TBC1D5: variants seen among roughly 807,000 people sequenced by gnomAD.
The protein encoded by TBC1D5 is TBC1 domain family, member 5.
In TBC1D5, 75 loss-of-function variants were observed where a neutral mutation model predicts 100.3. The ratio of observed to expected loss-of-function variants is 0.75; its 90% CI spans 0.62 to 0.91. The LOEUF (loss-of-function observed/expected upper bound fraction) is 0.91, where lower values mean the gene tolerates loss of function less well. Among genes scored for constraint, TBC1D5 ranks in the 40% least tolerant of loss-of-function variants. The pLI, the probability that TBC1D5 is intolerant of heterozygous loss-of-function variation, is 0.00. For missense variants in TBC1D5, 910 were observed against 942.4 expected (o/e 0.97, Z 0.45); for synonymous variants, 323 against 325.6 (o/e 0.99, Z 0.09).
chr3:17,700,842 G>A (rs1161156084), intron 1 of TBC1D5, among the ~76,000 whole-genome samples: 5 of 152,288 alleles, frequency 3.3e-5, no homozygotes, highest in African/African-American at 1.2e-4. Flanking sequence ...AGGTGCTGGA[G>A]AGGATGTGGA....
At chr3:17,476,548 G>GT (rs34030779) in intron 3 of TBC1D5, among the ~76,000 whole-genome samples, 10,463 of 151,312 alleles carry the variant, frequency 0.069, 710 homozygotes, top group African/African-American at 0.18. Flanking sequence ...AAATGTGCAT[G>GT]TTTTTTTTCA....
intron 1 of TBC1D5, among the ~76,000 whole-genome samples, chr3:17,708,902 C>T (rs956566317): frequency 1.3e-5 from 2 of 152,044 alleles, no homozygotes; most frequent in African/African-American, 4.8e-5. Flanking sequence ...AAAGGGAGAC[C>T]GTCACTGGAA....
intron 4 of TBC1D5, among the ~76,000 whole-genome samples, chr3:17,426,108 G>A (rs1462705583): frequency 2.0e-5 from 3 of 152,106 alleles, no homozygotes; most frequent in Admixed American, 6.5e-5. Flanking sequence ...TACAAAGGTA[G>A]AATTGTCATG....
intron 3 of TBC1D5, among the ~76,000 whole-genome samples, chr3:17,440,684 C>T (rs892034334): frequency 6.6e-6 from 1 of 152,064 alleles, no homozygotes; most frequent in African/African-American, 2.4e-5. Flanking sequence ...CTCTGTCACC[C>T]AGGCTGGAGT....
rs150899452 is a variant in TBC1D5 at position 17,709,336 on chromosome 3, A to G, written c.-101+30007T>C. ...AAATTCTCTATCTATAAAACAATTT[A>G]TTGAGCAAACTGACTCTAAAAATGG... On this transcript the variant is annotated intron_variant, in intron 1 of 21. Coordinates refer to ENST00000253692, the Ensembl canonical transcript of TBC1D5. Among the ~76,000 whole-genome samples the G allele has an allele frequency of 3.0e-3, 452 of 152,330 alleles. 4 individuals carry two copies. Among genetic ancestry groups the G allele is most frequent in the African/African-American group, 9.9e-3 (412 of 41,568 alleles).
At chr3:17,160,285 C>A (rs1211688566) in exon 22 of TBC1D5, 1 of 152,180 alleles carries the variant, frequency 6.6e-6, no homozygotes, top group Non-Finnish European at 1.5e-5. Context: ...TCAAAAAAAT[C>A]TAACACTATA....
intron 14 of TBC1D5, 22 bp downstream of exon 14, chr3:17,307,970 A>T: frequency 6.3e-7 from 1 of 1,591,956 alleles, no homozygotes. Flanking sequence ...AGTCAAATGT[A>T]GGAAAGGTCA....
chr3:17,462,565 C>A (rs1368107344), intron 3 of TBC1D5, among the ~76,000 whole-genome samples: 2 of 152,114 alleles, frequency 1.3e-5, no homozygotes, highest in Non-Finnish European at 2.9e-5. Context: ...AAACAATCCT[C>A]CCGCCTCAGC....
chr3:17,688,133 T>C (rs957980670), intron 1 of TBC1D5, among the ~76,000 whole-genome samples: 10 of 152,308 alleles, frequency 6.6e-5, no homozygotes, highest in South Asian at 2.1e-4. Flanking sequence ...TTTACTGATA[T>C]GGAGAACTGT....
intron 17 of TBC1D5, among the ~76,000 whole-genome samples, chr3:17,222,393 T>C (rs572680198): frequency 2.6e-4 from 39 of 152,302 alleles, no homozygotes; most frequent in African/African-American, 9.1e-4. Context: ...ATGGGATATG[T>C]GTGTGTATAA....
intron 3 of TBC1D5, among the ~76,000 whole-genome samples, chr3:17,440,641 T>C (rs927443553): frequency 1.3e-5 from 2 of 151,916 alleles, no homozygotes; most frequent in African/African-American, 2.4e-5. Context: ...ATTTTTTGTT[T>C]TGTTTTGTTT....
At chr3:17,692,640 AAATT>A (rs1287445438) in intron 1 of TBC1D5, among the ~76,000 whole-genome samples, 1 of 152,218 alleles carries the variant, frequency 6.6e-6, no homozygotes, top group African/African-American at 2.4e-5. Context: ...AATGCAATGA[AAATT>A]AATTTTTTTA....
At chr3:17,272,562 A>AT (rs1386667199) in intron 15 of TBC1D5, among the ~76,000 whole-genome samples, 1 of 152,168 alleles carries the variant, frequency 6.6e-6, no homozygotes, top group East Asian at 1.9e-4. Context: ...TCAGTCTTAA[A>AT]TTTTTCACAA....
chr3:17,238,106 GA>G lies in TBC1D5; in HGVS notation c.1588+56del. The G allele has an allele frequency of 2.6e-6, 4 of 1,548,370 alleles. No homozygotes were observed. The South Asian group carries it at 5.1e-5, about 20-fold the overall frequency. The stretch of plus-strand genomic sequence containing the variant: ...GATTGGTTCCTCACAGGCAGGTGAA[GA>G]AATCCCAGGCTACACCATGAATGTT... On this transcript the variant is annotated intron_variant, in intron 17 of 21. Coordinates refer to ENST00000253692, the Ensembl canonical transcript of TBC1D5.
intron 18 of TBC1D5, among the ~76,000 whole-genome samples, chr3:17,195,883 C>T (rs1204998191): frequency 6.6e-6 from 1 of 151,952 alleles, no homozygotes; most frequent in Non-Finnish European, 1.5e-5. Flanking sequence ...GTTAGTTCAT[C>T]CCTTAAGTTA....
chr3:17,199,946 A>G (rs1410138617), intron 18 of TBC1D5, among the ~76,000 whole-genome samples: 1 of 152,192 alleles, frequency 6.6e-6, no homozygotes, highest in African/African-American at 2.4e-5. Flanking sequence ...AAAGGTGAGA[A>G]AAGTAGAGAA....
At chr3:17,621,707 CTT>C (rs34228402) in intron 2 of TBC1D5, among the ~76,000 whole-genome samples, 52 of 147,876 alleles carry the variant, frequency 3.5e-4, no homozygotes, top group African/African-American at 3.0e-4. Context: ...TTCTCGCTAA[CTT>C]TTTTTTTTTT....
chr3:17,622,427 T>G (rs936802341), intron 2 of TBC1D5, among the ~76,000 whole-genome samples: 2 of 152,206 alleles, frequency 1.3e-5, no homozygotes, highest in Non-Finnish European at 1.5e-5. Context: ...TCAGTACCAT[T>G]TATGCGTAGC....
intron 14 of TBC1D5, among the ~76,000 whole-genome samples, chr3:17,299,829 A>G (rs967355726): frequency 6.7e-5 from 9 of 134,630 alleles, no homozygotes; most frequent in Non-Finnish European, 4.6e-5. Context: ...ACTGCACTCC[A>G]GCCTGGACGA....
Sources: allele counts gnomAD v4.1 joint callset (sites outside exome capture counted in the v4.1 genomes callset), GRCh38; gene constraint gnomAD v4.1.1; transcripts MANE v1.5; gene names NCBI Gene and HGNC (gene_info 2026-07-23, HGNC 2026-07-21).